The following CCAR2 variants were observed in gnomAD, a reference collection of about 807,000 sequenced individuals.
CCAR2 encodes cell cycle and apoptosis regulator protein 2.
In CCAR2, 21 loss-of-function variants were observed where a neutral mutation model predicts 108.1. The ratio of observed to expected loss-of-function variants is 0.19; its 90% CI spans 0.14 to 0.28. CCAR2 has a LOEUF of 0.28. Among genes scored for constraint, CCAR2 ranks in the 10% least tolerant of loss-of-function variants. The probability of loss-of-function intolerance (pLI) is 1.00; values close to 1 mark genes in which losing one functional copy is unlikely to be tolerated. For missense variants in CCAR2, 1,126 were observed against 1,177.0 expected, an observed-to-expected ratio of 0.96 and a Z score of 0.63; for synonymous variants, 577 against 472.8, an observed-to-expected ratio of 1.22 and a Z score of -2.86.
chr8:22,612,852 A>G (rs764738517), intron 7 of CCAR2, 165 bp from the exon 8 acceptor site: 3 of 729,088 alleles, frequency 4.1e-6, no homozygotes, highest in Non-Finnish European at 6.3e-6. Context: ...GTAAATATCC[A>G]TTTTAATATC....
chr8:22,610,068 C>A (rs138864209), intron 7 of CCAR2, among the ~76,000 whole-genome samples: 6 of 152,188 alleles, frequency 3.9e-5, no homozygotes, highest in South Asian at 2.1e-4. Flanking sequence ...GAAAAAAATT[C>A]CAAACCCAGG....
Position 22,614,666 on chromosome 8 carries a change from A to G in CCAR2, c.1041+163A>G, listed in dbSNP as rs1487104091. The G allele has an allele frequency of 4.8e-6, 5 of 1,049,294 alleles. No homozygotes were observed. In the Admixed American group the frequency reaches 9.9e-5, roughly 21 times the overall value. 65.0% of individuals were successfully genotyped at this position (1,049,294 alleles called of 1,614,324 possible). A position where few individuals can be genotyped will look rare whatever the true frequency, so the allele number is the denominator to read the frequency against. ...GAAGGTGCAGCTCAGAGCTGTTACG[A>G]CTAGTCAGAGAGAGCGAGGTGGCTG... On this transcript the variant is annotated intron_variant, in intron 10 of 20. Transcript: ENST00000308511.
Position 22,614,951 on chromosome 8 carries a change from C to G in CCAR2, c.1155C>G (p.Ile385Met), listed in dbSNP as rs1293737587. 1.2e-6 allele frequency: 2 copies of G among 1,609,588 alleles called. No individual in the cohort carries two copies. The highest frequency in any genetic ancestry group is 1.7e-6 in the Non-Finnish European group (2 of 1,178,096). Residue 385 changes from isoleucine to methionine, a missense_variant, in exon 11 of 21, where the codon ATC becomes ATG. Around this residue, in one of 4 missense-constraint regions of CCAR2, gnomAD observed 1,013 missense variants for 993.9 expected, o/e 1.02. Coordinates refer to ENST00000308511, the MANE Select transcript of CCAR2 (RefSeq NM_001393997.1). ...ADPQVLVRTA[I>M]RCAQAQTGID... The stretch of plus-strand genomic sequence containing the variant: ...CGCAGGTGCTGGTGCGTACCGCCAT[C>G]CGCTGTGCGCAGGCCCAGACTGGCA...
Position 22,616,132 on chromosome 8 carries a change from G to A in CCAR2, c.1729G>A (p.Glu577Lys), listed in dbSNP as rs747580810. The A allele has an allele frequency of 1.2e-6, 2 of 1,613,918 alleles. No homozygotes were observed. Among genetic ancestry groups the A allele is most frequent in the South Asian group, 1.1e-5 (1 of 91,080 alleles). The change falls in exon 14 of 21, where the codon GAG becomes AAG. Residue 577 changes from glutamate to lysine, a missense_variant. Transcript: ENST00000308511. Reference sequence around the variant, plus strand: ...GTCCCCACCTGAACCTGAGAAGGAGGAGGCGGCCAAGGAAGAAGCCACCAA... The same window carrying A: ...GTCCCCACCTGAACCTGAGAAGGAGAAGGCGGCCAAGGAAGAAGCCACCAA... The part of the protein sequence containing the change: ...VVSPPEPEKE[E>K]AAKEEATKEE...
At chr8:22,618,004 A>G (rs1186794339) in intron 16 of CCAR2, among the ~76,000 whole-genome samples, 1 of 152,162 alleles carries the variant, frequency 6.6e-6, no homozygotes, top group Non-Finnish European at 1.5e-5. Flanking sequence ...CTCCTGAGAG[A>G]GGAGCACAGG....
Position 22,614,927 on chromosome 8 carries a change from G to C in CCAR2, c.1131G>C (p.Pro377=), listed in dbSNP as rs13250541. Residue 377 remains proline (P), a synonymous_variant, in exon 11 of 21, where the codon CCG becomes CCC. Transcript: ENST00000308511. The part of the protein sequence containing the change: ...SLDGLDPQAD[P]QVLVRTAIRC... ...ATGGCCTCGACCCCCAGGCTGACCC[G>C]CAGGTGCTGGTGCGTACCGCCATCC... The C allele has an allele frequency of 6.2e-7, 1 of 1,612,916 alleles. No individual in the cohort carries two copies. The highest frequency in any genetic ancestry group is 8.5e-7 in the Non-Finnish European group (1 of 1,179,644).
Position 22,616,482 on chromosome 8 carries a change from G to A in CCAR2, c.1845+234G>A, listed in dbSNP as rs980815651. 5.5e-5 allele frequency: 31 copies of A among 565,324 alleles called. No homozygotes were observed. In the Admixed American group the frequency reaches 9.1e-4, roughly 17 times the overall value. The allele number at this position is 565,324 out of a possible 1,614,324, so 35.0% of individuals were successfully genotyped here. A position where few individuals can be genotyped will look rare whatever the true frequency, so the allele number is the denominator to read the frequency against. The stretch of plus-strand genomic sequence containing the variant: ...CACAGAAACCCTTGTCACTGAGAAC[G>A]CTTGGCAGAGTGGGGTGCTTTGATT... On this transcript the variant is annotated intron_variant, in intron 14 of 20. Transcript: ENST00000308511.
chr8:22,613,748 C>T (rs1369508721), intron 8 of CCAR2: 1 of 249,928 alleles, frequency 4.0e-6, no homozygotes, highest in Non-Finnish European at 7.7e-6. Flanking sequence ...TTCCTGGCCT[C>T]TAATTCTTAT....
At chr8:22,606,372 G>A (rs532758083) in intron 3 of CCAR2, among the ~76,000 whole-genome samples, 196 bp downstream of exon 3, 2 of 152,292 alleles carry the variant, frequency 1.3e-5, no homozygotes, top group East Asian at 3.9e-4. Context: ...TTTAGCTTAC[G>A]TCTTGGAATT....
intron 8 of CCAR2, among the ~76,000 whole-genome samples, chr8:22,613,698 G>A (rs868653258): frequency 5.9e-5 from 9 of 152,056 alleles, no homozygotes; most frequent in African/African-American, 1.9e-4. Flanking sequence ...ATGATAATGT[G>A]GTTTGCATTT....
chr8:22,617,896 C>A (rs1237827188), intron 16 of CCAR2, 118 bp downstream of exon 16: 4 of 1,039,854 alleles, frequency 3.8e-6, no homozygotes, highest in East Asian at 2.4e-5. Context: ...GGACCCAACA[C>A]ACAGTGTGGT....
intron 16 of CCAR2, 70 bp downstream of exon 16, chr8:22,617,848 TG>T: frequency 6.7e-7 from 1 of 1,496,864 alleles, no homozygotes; most frequent in South Asian, 1.1e-5. Flanking sequence ...GGCCCACTCC[TG>T]GGAGAAGGAT....
At position 22,615,860 on chromosome 8, in the gene CCAR2, C is replaced by T. The variant is rs1454717557; in HGVS notation, c.1556C>T (p.Ser519Phe). The T allele has an allele frequency of 1.2e-6, 2 of 1,613,878 alleles. No homozygotes were observed. Among genetic ancestry groups the T allele is most frequent in the Non-Finnish European group, 1.7e-6 (2 of 1,180,038 alleles). ...GCACGCCCTGGCTGTGTAAACCTGTCCCTCCATGGGATTGTGGAGGATCGG... is the reference window on the plus strand; with the variant it reads ...GCACGCCCTGGCTGTGTAAACCTGTTCCTCCATGGGATTGTGGAGGATCGG... ...VIARPGCVNL[S>F]LHGIVEDRRP... Residue 519 changes from serine to phenylalanine, a missense_variant, in exon 13 of 21, where the codon TCC (serine) becomes TTC (phenylalanine). Transcript: ENST00000308511.
In CCAR2 at chr8:22,615,017, G is replaced by A. The variant is rs1238192724; in HGVS notation, c.1205+16G>A. ...GTACCAAGTGGTGAGTGGGCTTCCT[G>A]AGCCTCAGCTGCACCAACGCACCAG... On this transcript the variant is annotated intron_variant, in intron 11 of 20. Coordinates refer to ENST00000308511, the MANE Select transcript of CCAR2 (RefSeq NM_001393997.1). The A allele has an allele frequency of 1.9e-6, 3 of 1,543,292 alleles. No homozygotes were observed. The highest frequency in any genetic ancestry group is 2.6e-6 in the Non-Finnish European group (3 of 1,142,840).
At position 22,615,052 on chromosome 8, in the gene CCAR2, GT is replaced by G. The variant is rs1324642087; in HGVS notation, c.1205+55del. ...TGCACCAACGCACCAGGTTGGGGAGGTTTTGTTGGGAAGGCCCGGTCCCTGC... is the reference window on the plus strand; with the variant it reads ...TGCACCAACGCACCAGGTTGGGGAGGTTTGTTGGGAAGGCCCGGTCCCTGC... On this transcript the variant is annotated intron_variant, in intron 11 of 20. Coordinates refer to ENST00000308511, the MANE Select transcript of CCAR2 (RefSeq NM_001393997.1). The G allele has an allele frequency of 6.0e-6, 9 of 1,490,302 alleles. No individual in the cohort carries two copies. In the Admixed American group the frequency reaches 1.8e-4, roughly 30 times the overall value. The allele number at this position is 1,490,302 out of a possible 1,614,324, so 92.3% of individuals were successfully genotyped here.
At position 22,606,717 on chromosome 8, in the gene CCAR2, C is replaced by T. The variant is rs369387002; in HGVS notation, c.242+19C>T. On this transcript the variant is annotated intron_variant, in intron 4 of 20. Transcript: ENST00000308511. ...AGCTAAGGTAGGCTTGAGGTTGGTCCCCTAACGGAAATGCTTATTGGATTC... is the reference window on the plus strand; with the variant it reads ...AGCTAAGGTAGGCTTGAGGTTGGTCTCCTAACGGAAATGCTTATTGGATTC... The T allele has an allele frequency of 2.5e-6, 4 of 1,600,490 alleles. No homozygotes were observed. The highest frequency in any genetic ancestry group is 3.4e-6 in the Non-Finnish European group (4 of 1,168,258).
chr8:22,614,270 G>T lies in CCAR2; in HGVS notation c.883G>T (p.Ala295Ser). The change falls in exon 9 of 21, where the codon GCT becomes TCT. Residue 295 changes from alanine (A) to serine (S), a missense_variant. Coordinates refer to ENST00000308511, the MANE Select transcript of CCAR2 (RefSeq NM_001393997.1). ...SEKEAAPDAG[A>S]EPITADSDPA... is the part of the protein sequence containing the mutation. ...AAAGGAGGCAGCTCCAGACGCTGGT[G>T]CTGAGCCCATCACTGCAGACAGTGA... 3.1e-6 allele frequency: 5 copies of T among 1,614,056 alleles called. No homozygotes were observed. The highest frequency in any genetic ancestry group is 4.2e-6 in the Non-Finnish European group (5 of 1,180,040).
At chr8:22,611,406 A>G (rs7818653) in intron 7 of CCAR2, among the ~76,000 whole-genome samples, 5,840 of 30,210 alleles carry the variant, frequency 0.19, 156 homozygotes, top group South Asian at 0.3. Context: ...GTGTGTGTGT[A>G]TGTGTGTGTA....
intron 7 of CCAR2, among the ~76,000 whole-genome samples, chr8:22,610,066 T>A (rs1801217133): frequency 6.6e-6 from 1 of 151,960 alleles, no homozygotes; most frequent in Non-Finnish European, 1.5e-5. Flanking sequence ...CTGAAAAAAA[T>A]TCCAAACCCA....
Sources: gnomAD v4.1 joint callset for allele counts (sites outside exome capture counted in the v4.1 genomes callset) on GRCh38, gnomAD v4.1.1 for gene constraint, gnomAD v4.1.1 regional missense constraint, MANE v1.5 for transcripts, NCBI Gene and HGNC (gene_info 2026-07-23, HGNC 2026-07-21) for gene names.